The following PRDM16 variants were observed in gnomAD, a reference collection of about 807,000 sequenced individuals.
The protein encoded by PRDM16 is histone-lysine N-methyltransferase PRDM16.
A neutral mutation model predicts 110.6 loss-of-function variants in PRDM16; 23 were observed. The observed-to-expected ratio is 0.21, with a 90% CI of 0.15 to 0.29. The LOEUF is 0.29. Ranked by LOEUF, PRDM16 falls within the 10% of genes least tolerant of loss-of-function variation. PRDM16 has a pLI of 1.00. For missense variants in PRDM16, 1,615 were observed against 1,794.3 expected (o/e 0.90, Z 1.81); for synonymous variants, 799 against 781.8 (o/e 1.02, Z -0.37).
Position 3,385,194 on chromosome 1 carries a change from A to C in PRDM16, c.481A>C (p.Asn161His), listed in dbSNP as rs374664141. The C allele has an allele frequency of 3.1e-6, 5 of 1,613,580 alleles. No individual in the cohort carries two copies. Among genetic ancestry groups the C allele is most frequent in the Admixed American group, 1.7e-5 (1 of 60,006 alleles). ...CAGTGAGAAGTTCTGCGTGGATGCAAATCAGGCGGGGGCTGGCAGCTGGCT... is the reference window on the plus strand; with the variant it reads ...CAGTGAGAAGTTCTGCGTGGATGCACATCAGGCGGGGGCTGGCAGCTGGCT... ...LGSEKFCVDA[N>H]QAGAGSWLKY... is the part of the protein sequence containing the mutation. Residue 161 changes from asparagine to histidine, a missense_variant, in exon 4 of 17, where the codon AAT becomes CAT. Transcript: ENST00000270722.
intron 1 of PRDM16, among the ~76,000 whole-genome samples, chr1:3,172,332 A>T (rs1474751745): frequency 6.6e-6 from 1 of 152,206 alleles, no homozygotes; most frequent in South Asian, 2.1e-4. Flanking sequence ...AATGAGAGTC[A>T]ACCAGGGTGG....
chr1:3,433,497 T>C (rs1442806713), intron 16 of PRDM16, among the ~76,000 whole-genome samples, 180 bp from the exon 17 acceptor site: 2 of 145,634 alleles, frequency 1.4e-5, no homozygotes, highest in Non-Finnish European at 3.0e-5. Flanking sequence ...CTGTCTGGGA[T>C]GGCCCGCCCT....
At chr1:3,199,604 G>A (rs182785768) in intron 2 of PRDM16, among the ~76,000 whole-genome samples, 15 of 152,268 alleles carry the variant, frequency 9.9e-5, no homozygotes, top group Admixed American at 6.5e-4. Context: ...CTGGAGCTAG[G>A]TTTGCACTGG....
intron 1 of PRDM16, among the ~76,000 whole-genome samples, chr1:3,160,810 T>G (rs991867683): frequency 1.1e-4 from 16 of 152,214 alleles, no homozygotes; most frequent in Non-Finnish European, 2.4e-4. Flanking sequence ...TGTTGCCACC[T>G]GCACTTCCAG....
chr1:3,421,874 A>G (rs561839357), intron 12 of PRDM16, among the ~76,000 whole-genome samples: 1,680 of 152,228 alleles, frequency 0.011, 34 homozygotes, highest in African/African-American at 0.038. Context: ...GCAGACACAC[A>G]GGCAGGCGGA....
Position 3,404,838 on chromosome 1 carries a change from G to C in PRDM16, c.984G>C (p.Gln328His). ...FNWKSNLIRH[Q>H]MSHDSGKRFE... ...GGAAGTCCAACCTCATCCGCCACCA[G>C]ATGTCCCACGACAGCGGCAAACGCT... Residue 328 changes from glutamine to histidine, a missense_variant, in exon 7 of 17, where the codon CAG (glutamine) becomes CAC (histidine). Physicochemically the swap from Gln to His is conservative, Grantham distance 24. This residue lies in a region of PRDM16 where 416 missense variants were observed against 467.1 expected (regional missense o/e 0.89). Coordinates refer to ENST00000270722, the MANE Select transcript of PRDM16 (RefSeq NM_022114.4). 6.2e-7 allele frequency: 1 copy of C among 1,613,552 alleles called. No individual in the cohort carries two copies. The highest frequency in any genetic ancestry group is 8.5e-7 in the Non-Finnish European group (1 of 1,179,996).
At chr1:3,194,148 C>A (rs1638393318) in intron 2 of PRDM16, among the ~76,000 whole-genome samples, 1 of 152,204 alleles carries the variant, frequency 6.6e-6, no homozygotes, top group Non-Finnish European at 1.5e-5. Flanking sequence ...GGCTGAGGAA[C>A]AAGGGCTCCC....
At chr1:3,185,695 A>G (rs1218530376) in intron 1 of PRDM16, among the ~76,000 whole-genome samples, 1 of 152,134 alleles carries the variant, frequency 6.6e-6, no homozygotes, top group African/African-American at 2.4e-5. Flanking sequence ...TGGTGCAAAT[A>G]TTTCACCATC....
At chr1:3,234,986 G>A (rs1639506107) in intron 2 of PRDM16, among the ~76,000 whole-genome samples, 1 of 152,252 alleles carries the variant, frequency 6.6e-6, no homozygotes, top group Admixed American at 6.5e-5. Flanking sequence ...TAAAGTGTGA[G>A]TGGGTTGGGT....
intron 1 of PRDM16, among the ~76,000 whole-genome samples, chr1:3,149,872 G>C (rs1382231982): frequency 6.6e-6 from 1 of 152,220 alleles, no homozygotes; most frequent in East Asian, 1.9e-4. Flanking sequence ...CGGGTTTTCT[G>C]AGATGCGTGT....
At chr1:3,149,059 T>C (rs1426417053) in intron 1 of PRDM16, among the ~76,000 whole-genome samples, 1 of 152,186 alleles carries the variant, frequency 6.6e-6, no homozygotes, top group African/African-American at 2.4e-5. Context: ...TCCTTGGTTC[T>C]CTGCCTCTGT....
intron 1 of PRDM16, among the ~76,000 whole-genome samples, chr1:3,106,954 G>A (rs1321344313): frequency 2.0e-5 from 3 of 152,234 alleles, no homozygotes; most frequent in Non-Finnish European, 4.4e-5. Context: ...ACCAGAAGGA[G>A]AGGGGGCCAG....
intron 6 of PRDM16, among the ~76,000 whole-genome samples, chr1:3,404,204 C>T (rs111542897): frequency 2.0e-5 from 3 of 152,162 alleles, no homozygotes; most frequent in African/African-American, 4.8e-5. Context: ...GGAATTAGAG[C>T]GACTCCTTCA....
Position 3,252,133 on chromosome 1 carries a change from G to A in PRDM16, c.438+7996G>A, listed in dbSNP as rs576642623. 9.9e-4 allele frequency among the ~76,000 whole-genome samples: 151 copies of A among 152,326 alleles called. 1 individual carries two copies. In the South Asian group the frequency reaches 0.013, roughly 13 times the overall value. ...GACCCTTCCCGAGGCCTGGCTCCTC[G>A]CTTCTGTGACATCATGCTGTGCCCC... On this transcript the variant is annotated intron_variant, in intron 3 of 16. Transcript: ENST00000270722.
chr1:3,285,789 T>C (rs1036650147), intron 3 of PRDM16, among the ~76,000 whole-genome samples: 1 of 152,076 alleles, frequency 6.6e-6, no homozygotes, highest in Non-Finnish European at 1.5e-5. Context: ...ACCGGACACC[T>C]GGCATGTCCA....
At chr1:3,424,237 T>C (rs1638525031) in intron 12 of PRDM16, among the ~76,000 whole-genome samples, 1 of 152,244 alleles carries the variant, frequency 6.6e-6, no homozygotes, top group East Asian at 1.9e-4. Context: ...ATTTTCTTGC[T>C]GCTCAATGCA....
chr1:3,392,682 A>G lies in PRDM16; in HGVS notation c.574-3809A>G, dbSNP rs1302515207. 2.6e-5 allele frequency among the ~76,000 whole-genome samples: 4 copies of G among 152,342 alleles called. No homozygotes were observed. In the South Asian group the frequency reaches 8.3e-4, roughly 32 times the overall value. On this transcript the variant is annotated intron_variant, in intron 4 of 16. Transcript: ENST00000270722. ...AGAAGGTATCCCAAAGCTGGCAGCC[A>G]TTGTAAATGTAAATGATTTCTGTGT...
chr1:3,436,384 G>A lies in PRDM16; in HGVS notation c.*2573G>A, dbSNP rs957986113. 3.9e-5 allele frequency: 9 copies of A among 229,918 alleles called. No homozygotes were observed. The highest frequency in any genetic ancestry group is 8.9e-5 in the African/African-American group (4 of 45,070). 14.2% of individuals were successfully genotyped at this position (229,918 alleles called of 1,614,324 possible). A position where few individuals can be genotyped will look rare whatever the true frequency, so the allele number is the denominator to read the frequency against. ...CCTAACCGTCCTGTCTTCTCTTGGC[G>A]CTCTTTCCTTCCACCTTTCCCAAGA... On this transcript the variant is annotated 3_prime_UTR_variant, in exon 17 of 17. Transcript: ENST00000270722.
chr1:3,182,277 C>T (rs78777664), intron 1 of PRDM16, among the ~76,000 whole-genome samples: 2,062 of 152,364 alleles, frequency 0.014, 84 homozygotes, highest in East Asian at 0.11. Context: ...AGCCGCTCGG[C>T]GCTCGGGCTG....
Sources: gnomAD v4.1 joint callset for allele counts (sites outside exome capture counted in the v4.1 genomes callset) on GRCh38, gnomAD v4.1.1 for gene constraint, gnomAD v4.1.1 regional missense constraint, MANE v1.5 for transcripts, NCBI Gene and HGNC (gene_info 2026-07-23, HGNC 2026-07-21) for gene names.